Variants in GPATCH1 observed in about 807,000 individuals in gnomAD.
The protein encoded by GPATCH1 is G-patch domain containing 1, also known as G patch domain-containing protein 1.
A neutral mutation model predicts 114.9 loss-of-function variants in GPATCH1; 73 were observed. The observed-to-expected ratio is 0.64, with a 90% CI of 0.53 to 0.77. The LOEUF is 0.77. GPATCH1 is among the 30% of genes least tolerant of loss of function. The pLI, the probability that GPATCH1 is intolerant of heterozygous loss-of-function variation, is 0.00. For synonymous variants in GPATCH1, 391 were observed against 428.4 expected (o/e 0.91, Z 1.08); for missense variants, 1,058 against 1,144.3 (o/e 0.92, Z 1.09).
intron 19 of GPATCH1, among the ~76,000 whole-genome samples, chr19:33,128,975 C>T (rs574525596): frequency 6.6e-6 from 1 of 152,124 alleles, no homozygotes; most frequent in South Asian, 2.1e-4. Flanking sequence ...AGGCCAGGTG[C>T]GGTATCTCAC....
chr19:33,099,601 T>A (rs926059754), intron 8 of GPATCH1, among the ~76,000 whole-genome samples: 8 of 151,860 alleles, frequency 5.3e-5, no homozygotes, highest in Non-Finnish European at 1.0e-4. Flanking sequence ...TTTACATTTT[T>A]AAATTTTTTT....
chr19:33,111,984 G>C, intron 12 of GPATCH1, 82 bp downstream of exon 12: 1 of 1,057,522 alleles, frequency 9.5e-7, no homozygotes, highest in South Asian at 1.5e-5. Context: ...CCTTTTTTTT[G>C]AGACGGAGTC....
chr19:33,098,303 C>T (rs1184765764), intron 8 of GPATCH1, among the ~76,000 whole-genome samples: 2 of 152,258 alleles, frequency 1.3e-5, no homozygotes, highest in Non-Finnish European at 2.9e-5. Context: ...GAGGCAGGTA[C>T]ACCAACAGCC....
At chr19:33,118,175 AAT>A in intron 16 of GPATCH1, 134 bp downstream of exon 16, 5 of 420,478 alleles carry the variant, frequency 1.2e-5, no homozygotes, top group African/African-American at 1.1e-4. Context: ...ATATGTATAT[AAT>A]TTTTTTTTTT....
intron 9 of GPATCH1, among the ~76,000 whole-genome samples, chr19:33,105,156 G>C (rs1295585894): frequency 6.6e-6 from 1 of 152,100 alleles, no homozygotes; most frequent in African/African-American, 2.4e-5. Flanking sequence ...AATAGGCCAG[G>C]CGTGGTGGCT....
chr19:33,085,649 G>A (rs1040660436), intron 1 of GPATCH1, among the ~76,000 whole-genome samples: 6 of 152,172 alleles, frequency 3.9e-5, no homozygotes, highest in Non-Finnish European at 8.8e-5. Flanking sequence ...TCACCTTTGT[G>A]CTTATTAGCA....
chr19:33,114,366 A>C lies in GPATCH1; in HGVS notation c.2143A>C (p.Ser715Arg). The C allele has an allele frequency of 6.2e-7, 1 of 1,611,250 alleles. No homozygotes were observed. Among genetic ancestry groups the C allele is most frequent in the Non-Finnish European group, 8.5e-7 (1 of 1,179,212 alleles). Residue 715 changes from serine to arginine, a missense_variant, in exon 15 of 20, where the codon AGC (serine) becomes CGC (arginine). Physicochemically the swap from Ser to Arg is moderately radical, Grantham distance 110. Coordinates refer to ENST00000170564, the MANE Select transcript of GPATCH1 (RefSeq NM_018025.3). The part of the protein sequence containing the change: ...SKAEPPKQQS[S>R]PLVNKEEEHA... Reference sequence around the variant, plus strand: ...AGCCGAGCCACCTAAACAACAGTCCAGCCCCTTAGTAAACAAAGAGGAAGA... The same window carrying C: ...AGCCGAGCCACCTAAACAACAGTCCCGCCCCTTAGTAAACAAAGAGGAAGA...
chr19:33,106,679 G>A lies in GPATCH1; in HGVS notation c.1081-16G>A, dbSNP rs1409179612. ...TTGCAGCCTGTATTTTCTGGGTTTT[G>A]TCTTGGTTTGTTAAGATCTATCCAC... On this transcript the variant is annotated splice_polypyrimidine_tract_variant and intron_variant, in intron 9 of 19. Transcript: ENST00000170564. 15 of 1,602,526 alleles carry A rather than the reference G, an allele frequency of 9.4e-6. No homozygotes were observed. The highest frequency in any genetic ancestry group is 1.2e-5 in the Non-Finnish European group (14 of 1,171,236).
chr19:33,092,698 C>CA (rs1245474893), intron 3 of GPATCH1, among the ~76,000 whole-genome samples: 1 of 152,228 alleles, frequency 6.6e-6, no homozygotes, highest in Non-Finnish European at 1.5e-5. Context: ...GCCTGGCACT[C>CA]ACACTTGTGA....
At chr19:33,102,226 C>T (rs780442590) in intron 9 of GPATCH1, among the ~76,000 whole-genome samples, 1 of 149,236 alleles carries the variant, frequency 6.7e-6, no homozygotes, top group Non-Finnish European at 1.5e-5. Flanking sequence ...CCCAGTTACT[C>T]GGGAGGCTGA....
chr19:33,090,767 C>CTT lies in GPATCH1; in HGVS notation c.209-5_209-4dup. 5.9e-6 allele frequency: 9 copies of CTT among 1,534,718 alleles called. No homozygotes were observed. Among genetic ancestry groups the CTT allele is most frequent in the Admixed American group, 1.7e-5 (1 of 58,988 alleles). Reference sequence around the variant, plus strand: ...CTCTAGGATTGTAAAGTTCTAAACTCTTTTTTTTTCAGGATGGACACCCTC... The same window carrying CTT: ...CTCTAGGATTGTAAAGTTCTAAACTCTTTTTTTTTTTCAGGATGGACACCCTC... On this transcript the variant is annotated splice_polypyrimidine_tract_variant and intron_variant, in intron 2 of 19. Transcript: ENST00000170564.
chr19:33,096,354 C>T lies in GPATCH1; in HGVS notation c.760C>T (p.His254Tyr), dbSNP rs1028528617. Residue 254 changes from histidine (H) to tyrosine (Y), a missense_variant, in exon 7 of 20, where the codon CAT becomes TAT. Physicochemically the swap from His to Tyr is moderately conservative, Grantham distance 83 (BLOSUM62 2). Coordinates refer to ENST00000170564, the MANE Select transcript of GPATCH1 (RefSeq NM_018025.3). The stretch of plus-strand genomic sequence containing the variant: ...GGCACTGTTTGGAACTTCGGGAGAA[C>T]ATTTTAATCTTTTCAGTGGTGGTTC... ...HQALFGTSGEHFNLFSGGSER... is the reference protein window; with the variant it reads ...HQALFGTSGEYFNLFSGGSER... The T allele has an allele frequency of 4.3e-6, 7 of 1,614,092 alleles. No homozygotes were observed. Among genetic ancestry groups the T allele is most frequent in the Non-Finnish European group, 5.9e-6 (7 of 1,179,980 alleles).
intron 8 of GPATCH1, among the ~76,000 whole-genome samples, chr19:33,099,977 G>C (rs965212510): frequency 1.3e-5 from 2 of 151,660 alleles, no homozygotes; most frequent in Non-Finnish European, 2.9e-5. Context: ...CATCATGTTG[G>C]CCAGGCTGGT....
At chr19:33,099,785 T>G (rs1003957512) in intron 8 of GPATCH1, among the ~76,000 whole-genome samples, 22 of 150,094 alleles carry the variant, frequency 1.5e-4, no homozygotes, top group African/African-American at 5.4e-4. Flanking sequence ...TTTTTTTTTT[T>G]TGAAGAAGGA....
In GPATCH1 at chr19:33,095,701, C is replaced by T. The variant is rs796696763; in HGVS notation, c.554-61C>T. ...ACAGGTGTGATCCACCGCGCCCGGC[C>T]TGGTCGGGGTTTTCTATTTGTAGTC... is the stretch of plus-strand genomic sequence containing the variant. On this transcript the variant is annotated intron_variant, in intron 5 of 19. Transcript: ENST00000170564. 2.5e-5 allele frequency: 30 copies of T among 1,180,184 alleles called. No individual in the cohort carries two copies. In the South Asian group the frequency reaches 2.6e-4, roughly 10 times the overall value. 73.1% of individuals were successfully genotyped at this position (1,180,184 alleles called of 1,614,324 possible).
chr19:33,093,297 A>G (rs1972617456), intron 3 of GPATCH1, 62 bp from the exon 4 acceptor site: 3 of 1,068,734 alleles, frequency 2.8e-6, no homozygotes, highest in Non-Finnish European at 4.1e-6. Flanking sequence ...AAATAAAACT[A>G]TGTGATGTAT....
At chr19:33,121,445 A>G (rs999632065) in intron 17 of GPATCH1, among the ~76,000 whole-genome samples, 8 of 148,862 alleles carry the variant, frequency 5.4e-5, no homozygotes, top group African/African-American at 2.0e-4. Context: ...TCACCCTCCC[A>G]AGTAGCTGGG....
chr19:33,101,295 G>A lies in GPATCH1; in HGVS notation c.1001-200G>A, dbSNP rs577503103. 3.2e-4 allele frequency among the ~76,000 whole-genome samples: 48 copies of A among 152,310 alleles called. No individual in the cohort carries two copies. The South Asian group carries it at 9.7e-3, about 31-fold the overall frequency. On this transcript the variant is annotated intron_variant, in intron 8 of 19. Coordinates refer to ENST00000170564, the MANE Select transcript of GPATCH1 (RefSeq NM_018025.3). ...GCCCAATCTGTCCAGGGCGGTGTGG[G>A]CCGGGCCTTAGTCACTGAGTCAACA...
rs578152162 is a variant in GPATCH1, at chr19:33,109,827, G to A, written c.1396G>A (p.Ala466Thr). ...KAAQLKARSL[A>T]QNAQSSRAQL... The stretch of plus-strand genomic sequence containing the variant: ...AGCTCAGCTCAAGGCCAGGAGTCTG[G>A]CCCAGAACGCTCAGAGCAGCAGAGC... The change falls in exon 11 of 20, where the codon GCC becomes ACC. Residue 466 changes from alanine (A) to threonine (T), a missense_variant. By Grantham distance (58) the Ala-to-Thr change is moderately conservative (BLOSUM62 0). This residue lies in a region of GPATCH1 where 893 missense variants were observed against 977.4 expected (regional missense o/e 0.91). Coordinates refer to ENST00000170564, the MANE Select transcript of GPATCH1 (RefSeq NM_018025.3). The A allele has an allele frequency of 2.5e-6, 4 of 1,613,986 alleles. No individual in the cohort carries two copies. The highest frequency in any genetic ancestry group is 3.3e-5 in the Admixed American group (2 of 60,006).
Sources: allele counts gnomAD v4.1 joint callset (sites outside exome capture counted in the v4.1 genomes callset), GRCh38; gene constraint gnomAD v4.1.1; regional missense constraint gnomAD v4.1.1; transcripts MANE v1.5; gene names NCBI Gene and HGNC (gene_info 2026-07-23, HGNC 2026-07-21).